NRXN3: variants seen among roughly 807,000 people sequenced by gnomAD.
NRXN3 encodes neurexin 3.
NRXN3 carries 32 observed loss-of-function variants against 137.6 expected under a neutral mutation model. The ratio of observed to expected loss-of-function variants is 0.23; its 90% confidence interval spans 0.18 to 0.31. NRXN3 has a LOEUF of 0.31. Ranked by LOEUF, NRXN3 falls within the 10% of genes least tolerant of loss-of-function variation. The probability of loss-of-function intolerance (pLI) is 1.00; values close to 1 mark genes in which losing one functional copy is unlikely to be tolerated. For missense variants in NRXN3, 1,574 were observed against 2,062.5 expected, an observed-to-expected ratio of 0.76 and a Z score of 4.59; for synonymous variants, 798 against 784.5, an observed-to-expected ratio of 1.02 and a Z score of -0.29.
intron 16 of NRXN3, among the ~76,000 whole-genome samples, chr14:79,542,970 A>T (rs1163430980): frequency 1.3e-5 from 2 of 152,156 alleles, no homozygotes; most frequent in African/African-American, 4.8e-5. Flanking sequence ...CCCTCCCTAT[A>T]GTCCCAAGGA....
At chr14:78,304,218 CTG>C (rs978377252) in intron 4 of NRXN3, among the ~76,000 whole-genome samples, 12 of 152,130 alleles carry the variant, frequency 7.9e-5, no homozygotes, top group Non-Finnish European at 1.8e-4. Context: ...TCTCTTGGCC[CTG>C]TGTGTGCAAG....
At chr14:79,382,293 T>C (rs1689505581) in intron 15 of NRXN3, among the ~76,000 whole-genome samples, 2 of 152,258 alleles carry the variant, frequency 1.3e-5, no homozygotes, top group African/African-American at 2.4e-5. Flanking sequence ...GGCAGATTTA[T>C]TGGAGAAAGT....
Position 79,645,098 on chromosome 14 carries a change from C to T in NRXN3, c.3445-18680C>T, listed in dbSNP as rs1437453443. Among the ~76,000 whole-genome samples, 2 of 135,450 alleles carry T rather than the reference C, an allele frequency of 1.5e-5. 1 individual carries two copies. Among genetic ancestry groups the T allele is most frequent in the Admixed American group, 1.6e-4 (2 of 12,746 alleles). 88.9% of individuals were successfully genotyped at this position (135,450 alleles called of 152,430 possible). ...CCATGTTCAGGATTGAGTTTAAATC[C>T]CATTTCTGCTCTTAAGACTTCCCTT... On this transcript the variant is annotated intron_variant, in intron 16 of 20. Coordinates refer to ENST00000335750, the MANE Select transcript of NRXN3 (RefSeq NM_001330195.2).
At chr14:79,220,086 T>TTTCA (rs2069276537) in intron 15 of NRXN3, among the ~76,000 whole-genome samples, 1 of 152,206 alleles carries the variant, frequency 6.6e-6, no homozygotes, top group Non-Finnish European at 1.5e-5. Flanking sequence ...TATCTCTGCC[T>TTTCA]TTCACGTTAT....
At position 79,728,096 on chromosome 14, in the gene NRXN3, T is replaced by C. The variant is rs537533123; in HGVS notation, c.4014+30159T>C. ...GAAGCCTTACACAACCCGACTTCTG[T>C]TGCTAGGGTAGAGTACTTTAGAGCA... is the stretch of plus-strand genomic sequence containing the variant. On this transcript the variant is annotated intron_variant, in intron 19 of 20. Transcript: ENST00000335750. Among the ~76,000 whole-genome samples the C allele has an allele frequency of 2.6e-5, 4 of 152,270 alleles. No homozygotes were observed. In the East Asian group the frequency reaches 7.7e-4, roughly 29 times the overall value.
At chr14:78,904,788 C>G (rs899238169) in intron 10 of NRXN3, among the ~76,000 whole-genome samples, 1 of 151,920 alleles carries the variant, frequency 6.6e-6, no homozygotes, top group Non-Finnish European at 1.5e-5. Context: ...CTTCTCTTTT[C>G]CATAGTTCTC....
chr14:79,261,151 T>A (rs77566501), intron 15 of NRXN3, among the ~76,000 whole-genome samples: 1,940 of 152,110 alleles, frequency 0.013, 44 homozygotes, highest in African/African-American at 0.044. Context: ...AGGGGCATAA[T>A]GGGAGCAGTG....
At chr14:79,397,916 A>T (rs1252313773) in intron 15 of NRXN3, among the ~76,000 whole-genome samples, 3 of 152,208 alleles carry the variant, frequency 2.0e-5, no homozygotes, top group Non-Finnish European at 4.4e-5. Flanking sequence ...GACATTTCAA[A>T]CATCTCTTGC....
At chr14:78,386,043 A>G (rs1447150250) in intron 4 of NRXN3, among the ~76,000 whole-genome samples, 1 of 86,402 alleles carries the variant, frequency 1.2e-5, no homozygotes, top group Non-Finnish European at 2.3e-5. Context: ...TTTTTTTTTA[A>G]CTGGCAAAAC....
chr14:79,476,540 G>A (rs1433174666), intron 16 of NRXN3, among the ~76,000 whole-genome samples: 2 of 152,018 alleles, frequency 1.3e-5, no homozygotes, highest in Admixed American at 1.3e-4. Context: ...TTATAATTCA[G>A]TTTATTTTTC....
chr14:78,922,909 T>A (rs2099274901), intron 10 of NRXN3, among the ~76,000 whole-genome samples: 1 of 152,212 alleles, frequency 6.6e-6, no homozygotes, highest in Non-Finnish European at 1.5e-5. Flanking sequence ...TTCATGTGAA[T>A]GGAAGTTTTG....
intron 15 of NRXN3, among the ~76,000 whole-genome samples, chr14:79,126,166 T>C (rs1233217173): frequency 1.3e-5 from 2 of 152,104 alleles, no homozygotes; most frequent in East Asian, 3.9e-4. Flanking sequence ...GAGCATTTAT[T>C]TATTTTTTTA....
chr14:79,674,632 C>A (rs551648753), intron 17 of NRXN3, among the ~76,000 whole-genome samples: 1 of 152,042 alleles, frequency 6.6e-6, no homozygotes, highest in Non-Finnish European at 1.5e-5. Context: ...CAGTTTGCAT[C>A]ATCTACAGAG....
intron 4 of NRXN3, among the ~76,000 whole-genome samples, chr14:78,505,063 G>A (rs1323187417): frequency 6.6e-6 from 1 of 152,106 alleles, no homozygotes; most frequent in Admixed American, 6.6e-5. Flanking sequence ...AGGACCATAT[G>A]CTGACACATT....
intron 1 of NRXN3, among the ~76,000 whole-genome samples, chr14:78,176,159 G>A (rs769558821): frequency 6.6e-6 from 1 of 152,176 alleles, no homozygotes; most frequent in African/African-American, 2.4e-5. Flanking sequence ...TCTTAGCCCT[G>A]CCTGAATGTC....
chr14:78,832,760 T>G (rs551376456), intron 10 of NRXN3, among the ~76,000 whole-genome samples: 1 of 152,206 alleles, frequency 6.6e-6, no homozygotes, highest in Non-Finnish European at 1.5e-5. Flanking sequence ...ACTGGAATCA[T>G]AGAAAACTGA....
chr14:78,575,516 A>G (rs184229359), intron 4 of NRXN3, among the ~76,000 whole-genome samples: 202 of 152,354 alleles, frequency 1.3e-3, no homozygotes, highest in Admixed American at 2.0e-3. Context: ...CCAGAAGCCC[A>G]TTCATGAAAG....
At chr14:79,554,518 T>G (rs1181839081) in intron 16 of NRXN3, among the ~76,000 whole-genome samples, 1 of 152,154 alleles carries the variant, frequency 6.6e-6, no homozygotes, top group Admixed American at 6.6e-5. Context: ...TGGTCCAGAC[T>G]ATAGAGTCAG....
chr14:78,883,338 G>A (rs2099134703), intron 10 of NRXN3, among the ~76,000 whole-genome samples: 1 of 152,182 alleles, frequency 6.6e-6, no homozygotes, highest in African/African-American at 2.4e-5. Flanking sequence ...CTGGAAGAGA[G>A]ACTAAGTTAA....
Sources: gnomAD v4.1 joint callset for allele counts (sites outside exome capture counted in the v4.1 genomes callset) on GRCh38, gnomAD v4.1.1 for gene constraint, MANE v1.5 for transcripts, NCBI Gene and HGNC (gene_info 2026-07-23, HGNC 2026-07-21) for gene names.